Variants in PTPRT observed in about 807,000 individuals in gnomAD.
PTPRT encodes the protein receptor-type tyrosine-protein phosphatase T.
A neutral mutation model predicts 176.8 loss-of-function variants in PTPRT; 56 were observed. That is an observed-to-expected ratio of 0.32 (90% confidence interval 0.26 to 0.40). The LOEUF (loss-of-function observed/expected upper bound fraction) is 0.40. Among genes scored for constraint, PTPRT ranks in the 10% least tolerant of loss-of-function variants. The probability of loss-of-function intolerance (pLI) is 1.00; values close to 1 mark genes in which losing one functional copy is unlikely to be tolerated. For synonymous variants in PTPRT, 783 were observed against 739.0 expected (o/e 1.06, Z -0.96); for missense variants, 1,540 against 1,908.2 (o/e 0.81, Z 3.60).
intron 2 of PTPRT, among the ~76,000 whole-genome samples, chr20:42,825,888 C>T (rs1445847588): frequency 2.6e-5 from 4 of 151,892 alleles, no homozygotes; most frequent in African/African-American, 9.7e-5. Flanking sequence ...CATGGAGTAC[C>T]AAAAGGACCC....
At chr20:42,996,868 A>C (rs1009812933) in intron 1 of PTPRT, among the ~76,000 whole-genome samples, 5 of 152,206 alleles carry the variant, frequency 3.3e-5, no homozygotes, top group African/African-American at 1.2e-4. Context: ...GTATCTACTG[A>C]GAAAACTTGT....
chr20:42,081,000 GA>G, intron 30 of PTPRT, 68 bp from the exon 31 acceptor site: 1 of 1,324,684 alleles, frequency 7.5e-7, no homozygotes. Context: ...AAAGGAAAGG[GA>G]AAATGCATTT....
rs563105892 is a variant in PTPRT at position 42,194,280 on chromosome 20, C to T, written c.2491+4960G>A. Reference sequence around the variant, plus strand: ...TGTACTGAGAAAAAGTCCATTAAATCCCAGCTCCAAGGTGACACTTAGCAG... The same window carrying T: ...TGTACTGAGAAAAAGTCCATTAAATTCCAGCTCCAAGGTGACACTTAGCAG... On this transcript the variant is annotated intron_variant, in intron 16 of 30. Coordinates refer to ENST00000373187, the MANE Select transcript of PTPRT (RefSeq NM_007050.6). Among the ~76,000 whole-genome samples, 233 of 152,308 alleles carry T rather than the reference C, an allele frequency of 1.5e-3. 2 individuals are homozygous for T. The highest frequency in any genetic ancestry group is 0.014 in the Middle Eastern group (4 of 294).
rs59722053 is a variant in PTPRT at position 42,086,747 on chromosome 20, A to ATATATATATATATATATAT, written c.3847-895_3847-894insATATATATATATATATATA. Among the ~76,000 whole-genome samples, 13 of 58,754 alleles carry ATATATATATATATATATAT rather than the reference A, an allele frequency of 2.2e-4. 1 individual carries two copies. The highest frequency in any genetic ancestry group is 5.4e-4 in the African/African-American group (7 of 12,948). The allele number at this position is 58,754 out of a possible 152,430, so 38.5% of individuals were successfully genotyped here. ...ATCTCAAAAAAAAAAAAAAAAAAAA[A>ATATATATATATATATATAT]AAAAAAATATATATATATATGGGTT... On this transcript the variant is annotated intron_variant, in intron 27 of 30. Coordinates refer to ENST00000373187, the MANE Select transcript of PTPRT (RefSeq NM_007050.6).
intron 1 of PTPRT, among the ~76,000 whole-genome samples, chr20:43,131,300 C>T (rs2013639144): frequency 6.6e-6 from 1 of 152,204 alleles, no homozygotes; most frequent in Non-Finnish European, 1.5e-5. Flanking sequence ...GCTTCAAAGT[C>T]ATTCATGCCA....
chr20:42,849,731 C>T (rs1190958496), intron 2 of PTPRT, among the ~76,000 whole-genome samples: 3 of 152,180 alleles, frequency 2.0e-5, no homozygotes, highest in East Asian at 3.8e-4. Context: ...CTAACTCACA[C>T]GATCACTCTA....
intron 1 of PTPRT, among the ~76,000 whole-genome samples, chr20:42,922,458 T>C (rs1430779779): frequency 6.6e-6 from 1 of 152,244 alleles, no homozygotes; most frequent in Non-Finnish European, 1.5e-5. Flanking sequence ...TATATCTAAC[T>C]GCCTAGTTGA....
chr20:42,418,670 T>C (rs933456164), intron 9 of PTPRT, among the ~76,000 whole-genome samples: 1 of 152,092 alleles, frequency 6.6e-6, no homozygotes, highest in Non-Finnish European at 1.5e-5. Context: ...GACACAAAGA[T>C]GGGTTCCCAG....
At chr20:42,354,407 C>T (rs2058330274) in intron 9 of PTPRT, among the ~76,000 whole-genome samples, 1 of 152,110 alleles carries the variant, frequency 6.6e-6, no homozygotes, top group African/African-American at 2.4e-5. Context: ...TTCCCAGGTA[C>T]ATTCAACAAT....
intron 7 of PTPRT, among the ~76,000 whole-genome samples, chr20:42,614,906 T>A (rs6102952): frequency 0.21 from 31,360 of 150,452 alleles, 4,474 homozygotes; most frequent in African/African-American, 0.41. Context: ...GAACTCTCGG[T>A]TTTTTTTGTT....
the PTPRT span, among the ~76,000 whole-genome samples, chr20:42,061,169 T>C: frequency 6.6e-6 from 1 of 152,352 alleles, no homozygotes; most frequent in South Asian, 2.1e-4. Flanking sequence ...TCATCTGGGC[T>C]GTGTCTGATG....
chr20:43,023,439 C>T (rs1008521919), intron 1 of PTPRT, among the ~76,000 whole-genome samples: 1 of 152,208 alleles, frequency 6.6e-6, no homozygotes, highest in Non-Finnish European at 1.5e-5. Context: ...ACAAAAGATG[C>T]TCCCCTCTGA....
chr20:42,390,428 C>G (rs540164602), intron 9 of PTPRT, among the ~76,000 whole-genome samples: 1 of 152,304 alleles, frequency 6.6e-6, no homozygotes, highest in Non-Finnish European at 1.5e-5. Context: ...AAGTAAATGC[C>G]AGCTTCCATT....
At chr20:42,634,014 ATATATAT>A (rs2074510706) in intron 7 of PTPRT, among the ~76,000 whole-genome samples, 1 of 28,514 alleles carries the variant, frequency 3.5e-5, no homozygotes, top group Admixed American at 7.3e-4. Flanking sequence ...TATATATAAT[ATATATAT>A]AATATATATA....
At chr20:42,588,555 T>G (rs560062469) in intron 7 of PTPRT, among the ~76,000 whole-genome samples, 1 of 152,140 alleles carries the variant, frequency 6.6e-6, no homozygotes, top group South Asian at 2.1e-4. Flanking sequence ...AAATTCAGAA[T>G]AAGAAAAAGA....
chr20:42,555,040 C>T (rs763247840), intron 7 of PTPRT, among the ~76,000 whole-genome samples: 17 of 152,142 alleles, frequency 1.1e-4, no homozygotes, highest in Non-Finnish European at 1.9e-4. Context: ...ATTTCATCTA[C>T]AGAGACAGGT....
rs75116258 is a variant in PTPRT at position 42,713,539 on chromosome 20, A to G, written c.860-35380T>C. Among the ~76,000 whole-genome samples the G allele has an allele frequency of 6.6e-5, 10 of 152,264 alleles. No homozygotes were observed. In the East Asian group the frequency reaches 1.9e-3, roughly 29 times the overall value. ...CATTGCTCTTCAGAAATTTCACCAT[A>G]TACCTTAAATGAAACTGTAAGACTT... On this transcript the variant is annotated intron_variant, in intron 6 of 30. Transcript: ENST00000373187.
chr20:42,527,582 T>C (rs972649534), intron 7 of PTPRT, among the ~76,000 whole-genome samples: 4 of 152,196 alleles, frequency 2.6e-5, no homozygotes, highest in African/African-American at 9.7e-5. Context: ...TTTTTCTTCT[T>C]ATGGAGAAGG....
chr20:42,418,364 C>T (rs1198481434), intron 9 of PTPRT, among the ~76,000 whole-genome samples: 2 of 152,082 alleles, frequency 1.3e-5, no homozygotes, highest in East Asian at 3.9e-4. Context: ...TCTAAAATGA[C>T]AGAACTGAGA....
Sources: allele counts gnomAD v4.1 joint callset (sites outside exome capture counted in the v4.1 genomes callset), GRCh38; gene constraint gnomAD v4.1.1; transcripts MANE v1.5; gene names NCBI Gene and HGNC (gene_info 2026-07-23, HGNC 2026-07-21).